The following RNF128 variants were observed in gnomAD, a reference collection of about 807,000 sequenced individuals.
RNF128 encodes ring finger protein 128, also known as E3 ubiquitin-protein ligase RNF128.
Under a neutral mutation model 26.2 loss-of-function variants are expected in RNF128, and 13 were observed. That is an observed-to-expected ratio of 0.50 (90% CI 0.32 to 0.79). RNF128 has a LOEUF of 0.79. Ranked by LOEUF, RNF128 falls within the 30% of genes least tolerant of loss-of-function variation. The pLI, the probability that RNF128 is intolerant of heterozygous loss-of-function variation, is 0.03. For missense variants in RNF128, 315 were observed against 349.7 expected, an observed-to-expected ratio of 0.90 and a Z score of 0.79; for synonymous variants, 149 against 142.5, an observed-to-expected ratio of 1.05 and a Z score of -0.32.
chrX:106,785,259 C>A, intron 3 of RNF128, 123 bp downstream of exon 3: 1 of 513,389 alleles, frequency 1.9e-6, no homozygotes, highest in Non-Finnish European at 3.1e-6. Context: ...ACTTTATATG[C>A]ATTTGATTCT....
Position 106,787,950 on chromosome X carries a change from G to C in RNF128, c.837G>C (p.Val279=), listed in dbSNP as rs1318988439. 8.4e-7 allele frequency: 1 copy of C among 1,193,636 alleles called. No individual in the cohort carries two copies. The highest frequency in any genetic ancestry group is 2.3e-5 in the Admixed American group (1 of 43,026). The change falls in exon 4 of 7, where the codon GTG becomes GTC. Residue 279 remains valine (V), a synonymous_variant. Coordinates refer to ENST00000255499, the MANE Select transcript of RNF128 (RefSeq NM_194463.2). ...EIGPDGDSCA[V]CIELYKPNDL... Reference sequence around the variant, plus strand: ...GCCCTGATGGAGATAGTTGTGCTGTGTGCATTGAATTGTATAAACCAAATG... The same window carrying C: ...GCCCTGATGGAGATAGTTGTGCTGTCTGCATTGAATTGTATAAACCAAATG...
chrX:106,729,350 C>T (rs750199924), intron 1 of RNF128, among the ~76,000 whole-genome samples: 9 of 110,715 alleles, frequency 8.1e-5, no homozygotes, highest in Non-Finnish European at 1.5e-4. Context: ...TTTACTGAGC[C>T]TTGGATACCC....
chrX:106,770,712 G>A (rs779243567), intron 1 of RNF128, among the ~76,000 whole-genome samples: 5 of 111,817 alleles, frequency 4.5e-5, no homozygotes, highest in African/African-American at 9.7e-5. Flanking sequence ...TTAGTTCAGA[G>A]AAGTTTGTTA....
At chrX:106,757,851 A>T (rs2147685611) in intron 1 of RNF128, among the ~76,000 whole-genome samples, 1 of 112,279 alleles carries the variant, frequency 8.9e-6, no homozygotes, top group South Asian at 3.7e-4. Context: ...AATAGGGAAA[A>T]ACTGAAAGCC....
At chrX:106,693,993 TG>T in exon 1 of RNF128, 1 of 1,176,768 alleles carries the variant, frequency 8.5e-7, no homozygotes. Context: ...TATACTCAAA[TG>T]AATGAGCAAT....
upstream of RNF128, among the ~76,000 whole-genome samples, chrX:106,722,208 A>G (rs146386263): frequency 1.2e-4 from 13 of 111,210 alleles, no homozygotes; most frequent in East Asian, 3.4e-3. Context: ...TCCCAACAAG[A>G]AAAGTGTAGT....
At chrX:106,712,441 G>A (rs1249856051) in intron 1 of RNF128, among the ~76,000 whole-genome samples, 2 of 112,516 alleles carry the variant, frequency 1.8e-5, no homozygotes, top group Non-Finnish European at 3.7e-5. Context: ...TGCTTTAAGC[G>A]TATAATTCTT....
intron 1 of RNF128, among the ~76,000 whole-genome samples, chrX:106,743,897 T>C (rs1384789336): frequency 2.8e-5 from 3 of 107,274 alleles, no homozygotes; most frequent in African/African-American, 3.4e-5. Flanking sequence ...ATGTGGCACA[T>C]ATACACCATG....
chrX:106,764,870 A>G (rs1930188587), intron 1 of RNF128, among the ~76,000 whole-genome samples: 1 of 112,128 alleles, frequency 8.9e-6, no homozygotes, highest in Admixed American at 9.5e-5. Context: ...CATTTTCCTG[A>G]GAGATGGCTC....
intron 3 of RNF128, among the ~76,000 whole-genome samples, chrX:106,785,944 A>G (rs926040827): frequency 8.9e-6 from 1 of 111,930 alleles, no homozygotes; most frequent in Admixed American, 9.6e-5. Context: ...AAATGGAAAC[A>G]TATACCATGT....
intron 1 of RNF128, among the ~76,000 whole-genome samples, chrX:106,752,001 C>T (rs1347477640): frequency 4.6e-5 from 5 of 109,861 alleles, no homozygotes; most frequent in Non-Finnish European, 9.5e-5. Context: ...GTAAAAAGGA[C>T]TTCACCTTGC....
At chrX:106,702,490 A>G (rs1928975277) in intron 1 of RNF128, among the ~76,000 whole-genome samples, 1 of 111,466 alleles carries the variant, frequency 9.0e-6, no homozygotes, top group South Asian at 3.8e-4. Context: ...AAAGTAGGCT[A>G]CTTCCTCTTA....
chrX:106,711,653 C>T (rs1192565133), intron 1 of RNF128, among the ~76,000 whole-genome samples: 1 of 112,165 alleles, frequency 8.9e-6, no homozygotes, highest in African/African-American at 3.2e-5. Flanking sequence ...TCAAACACTT[C>T]AGTACTTGTC....
intron 2 of RNF128, among the ~76,000 whole-genome samples, chrX:106,775,965 T>TC (rs1374651855): frequency 8.9e-6 from 1 of 112,429 alleles, no homozygotes; most frequent in Non-Finnish European, 1.9e-5. Context: ...CAGAATAGCC[T>TC]CATATGTTGT....
intron 1 of RNF128, among the ~76,000 whole-genome samples, chrX:106,713,482 G>A (rs755088335): frequency 1.8e-4 from 20 of 111,410 alleles, no homozygotes; most frequent in Non-Finnish European, 3.6e-4. Context: ...CTCCAGCCTG[G>A]GCAACAGAGT....
rs373519673 is a variant in RNF128, at chrX:106,744,759, G to A, written c.484+17362G>A. On this transcript the variant is annotated intron_variant, in intron 1 of 6. Coordinates refer to ENST00000255499, the MANE Select transcript of RNF128 (RefSeq NM_194463.2). ...CAGGCGTGAGCCACCAAGCCCAGCC[G>A]AATAAATAAATAAATATTTTTTAAA... Among the ~76,000 whole-genome samples the A allele has an allele frequency of 6.3e-4, 70 of 111,468 alleles. No individual in the cohort carries two copies. In the East Asian group the frequency reaches 0.017, roughly 26 times the overall value.
At chrX:106,730,071 T>C (rs1480624832) in intron 1 of RNF128, among the ~76,000 whole-genome samples, 1 of 112,382 alleles carries the variant, frequency 8.9e-6, no homozygotes, top group Non-Finnish European at 1.9e-5. Context: ...GCACTTGAAT[T>C]GTTTGCCCTT....
At chrX:106,737,515 A>G (rs1041940529) in intron 1 of RNF128, among the ~76,000 whole-genome samples, 4 of 111,907 alleles carry the variant, frequency 3.6e-5, no homozygotes, top group Non-Finnish European at 7.5e-5. Context: ...TGTAAATGCT[A>G]TGTAAATAGT....
chrX:106,784,382 T>G (rs927988180), intron 2 of RNF128, among the ~76,000 whole-genome samples: 2 of 111,832 alleles, frequency 1.8e-5, no homozygotes, highest in African/African-American at 3.2e-5. Flanking sequence ...TGTTTTAGTT[T>G]TTATTCCATA....
Sources: allele counts gnomAD v4.1 joint callset (sites outside exome capture counted in the v4.1 genomes callset), GRCh38; gene constraint gnomAD v4.1.1; transcripts MANE v1.5; gene names NCBI Gene and HGNC (gene_info 2026-07-23, HGNC 2026-07-21).